Variants in SLCO3A1 observed in about 807,000 individuals in gnomAD.
SLCO3A1 encodes PGE1 transporter.
Under a neutral mutation model 63.1 loss-of-function variants are expected in SLCO3A1, and 27 were observed. The observed-to-expected ratio is 0.43, with a 90% confidence interval of 0.32 to 0.59. The LOEUF is 0.59. SLCO3A1 is among the 20% of genes least tolerant of loss of function. The pLI, the probability that SLCO3A1 is intolerant of heterozygous loss-of-function variation, is 0.09. For synonymous variants in SLCO3A1, 473 were observed against 409.9 expected (o/e 1.15, Z -1.86); for missense variants, 773 against 945.8 (o/e 0.82, Z 2.40).
intron 1 of SLCO3A1, among the ~76,000 whole-genome samples, chr15:91,895,985 A>C (rs1057372976): frequency 2.0e-5 from 3 of 152,220 alleles, no homozygotes; most frequent in Non-Finnish European, 4.4e-5. Flanking sequence ...GTAGGAAGCT[A>C]TTCAGTTAAA....
At chr15:92,038,337 A>T (rs914662162) in intron 2 of SLCO3A1, among the ~76,000 whole-genome samples, 2 of 152,140 alleles carry the variant, frequency 1.3e-5, no homozygotes, top group African/African-American at 4.8e-5. Context: ...ATAAAAAGTG[A>T]TTTTCAAAAA....
chr15:92,059,713 T>G (rs1395352626), intron 2 of SLCO3A1, among the ~76,000 whole-genome samples: 1 of 152,190 alleles, frequency 6.6e-6, no homozygotes, highest in African/African-American at 2.4e-5. Context: ...CAGGGGTCTC[T>G]ACACTGAGGC....
chr15:92,058,596 G>A (rs979653966), intron 2 of SLCO3A1, among the ~76,000 whole-genome samples: 1 of 152,138 alleles, frequency 6.6e-6, no homozygotes, highest in African/African-American at 2.4e-5. Context: ...GACACCTAGT[G>A]TTCTCTGGGA....
intron 3 of SLCO3A1, among the ~76,000 whole-genome samples, chr15:92,100,605 GAAGTA>G (rs1373628732): frequency 6.6e-6 from 1 of 152,184 alleles, no homozygotes; most frequent in Non-Finnish European, 1.5e-5. Context: ...ACCAAATAGA[GAAGTA>G]AAGAGGTTTT....
chr15:91,988,720 C>T (rs11074029), intron 2 of SLCO3A1, among the ~76,000 whole-genome samples: 32,364 of 151,904 alleles, frequency 0.21, 3,916 homozygotes, highest in East Asian at 0.31. Context: ...CTAACAAGTT[C>T]CCAGGTGATG....
Position 91,948,207 on chromosome 15 carries a change from C to T in SLCO3A1, c.646+31749C>T, listed in dbSNP as rs1047935417. Among the ~76,000 whole-genome samples, 4 of 152,170 alleles carry T rather than the reference C, an allele frequency of 2.6e-5. No homozygotes were observed. Among genetic ancestry groups the T allele is most frequent in the African/African-American group, 7.2e-5 (3 of 41,430 alleles). ...TCAGTGCCATGCGGCTAATGAATGC[C>T]GACCTCCGGGAAGCTTTTTCCACTC... On this transcript the variant is annotated intron_variant, in intron 2 of 9. Transcript: ENST00000318445. The surrounding 1 kb of genome is among the most constrained non-coding windows in gnomAD (Gnocchi z 4.8).
chr15:91,879,532 G>T (rs184216216), intron 1 of SLCO3A1, among the ~76,000 whole-genome samples: 29 of 152,180 alleles, frequency 1.9e-4, no homozygotes, highest in Non-Finnish European at 4.0e-4. Context: ...GCCTATACAT[G>T]TAACAAATCA....
intron 7 of SLCO3A1, among the ~76,000 whole-genome samples, chr15:92,146,752 A>G (rs2048229983): frequency 2.0e-5 from 3 of 152,162 alleles, no homozygotes; most frequent in African/African-American, 7.2e-5. Context: ...TTGAGAATGG[A>G]AATGAAACAC....
At chr15:91,920,203 G>T (rs1228803470) in intron 2 of SLCO3A1, among the ~76,000 whole-genome samples, 1 of 152,198 alleles carries the variant, frequency 6.6e-6, no homozygotes, top group East Asian at 1.9e-4. Flanking sequence ...GGATAGGGCT[G>T]GGCTGTGGGT....
chr15:91,909,242 G>A (rs778881403), intron 1 of SLCO3A1, among the ~76,000 whole-genome samples: 35 of 152,320 alleles, frequency 2.3e-4, no homozygotes, highest in Admixed American at 4.6e-4. Context: ...GAGATCAGGG[G>A]TTTGGCATTC....
At chr15:91,904,105 C>T (rs113777639) in intron 1 of SLCO3A1, among the ~76,000 whole-genome samples, 4 of 144,442 alleles carry the variant, frequency 2.8e-5, no homozygotes, top group East Asian at 2.2e-4. Flanking sequence ...CCCCACAGCA[C>T]ATGCCCTCAC....
intron 8 of SLCO3A1, among the ~76,000 whole-genome samples, chr15:92,150,219 C>G (rs116744533): frequency 6.8e-4 from 104 of 152,298 alleles, no homozygotes; most frequent in African/African-American, 2.1e-3. Flanking sequence ...CCCATCTGGT[C>G]TTTTCATGTT....
chr15:92,044,901 T>A (rs2046842078), intron 2 of SLCO3A1, among the ~76,000 whole-genome samples: 1 of 152,174 alleles, frequency 6.6e-6, no homozygotes, highest in South Asian at 2.1e-4. Context: ...TTCCATCTGC[T>A]TCTCCTTGGC....
chr15:91,893,671 A>G (rs941903853), intron 1 of SLCO3A1, among the ~76,000 whole-genome samples: 1 of 152,248 alleles, frequency 6.6e-6, no homozygotes, highest in African/African-American at 2.4e-5. Flanking sequence ...TTCAGACCGT[A>G]CAGTCTTTTA....
intron 2 of SLCO3A1, among the ~76,000 whole-genome samples, chr15:92,094,196 G>T (rs573966620): frequency 1.3e-5 from 2 of 152,292 alleles, no homozygotes; most frequent in African/African-American, 4.8e-5. Flanking sequence ...ACTGCCCAGA[G>T]CCTGCCATTT....
At chr15:92,089,731 G>T (rs2151532002) in intron 2 of SLCO3A1, among the ~76,000 whole-genome samples, 1 of 152,240 alleles carries the variant, frequency 6.6e-6, no homozygotes, top group East Asian at 1.9e-4. Context: ...TGCGGGAAAA[G>T]GCAGACTCAC....
intron 2 of SLCO3A1, among the ~76,000 whole-genome samples, chr15:91,969,297 C>CTG (rs1318398380): frequency 6.7e-6 from 1 of 149,540 alleles, no homozygotes; most frequent in Non-Finnish European, 1.5e-5. Flanking sequence ...TTGTGTTTGT[C>CTG]TGTATATATA....
chr15:92,034,178 A>G (rs541118049), intron 2 of SLCO3A1, among the ~76,000 whole-genome samples: 1 of 151,458 alleles, frequency 6.6e-6, no homozygotes, highest in South Asian at 2.1e-4. Flanking sequence ...CAGGAGAGGG[A>G]TCCTGGAGAC....
chr15:92,159,813 GTAT>G (rs1567154448), intron 9 of SLCO3A1, among the ~76,000 whole-genome samples: 4 of 152,154 alleles, frequency 2.6e-5, no homozygotes, highest in Non-Finnish European at 5.9e-5. Context: ...AGACAACCAA[GTAT>G]TATAAGAATT....
Sources: gnomAD v4.1 joint callset for allele counts (sites outside exome capture counted in the v4.1 genomes callset) on GRCh38, gnomAD v4.1.1 for gene constraint, Gnocchi (gnomAD v3.1) non-coding constraint, MANE v1.5 for transcripts, NCBI Gene and HGNC (gene_info 2026-07-23, HGNC 2026-07-21) for gene names.